The following DNAJA3 variants were observed in gnomAD, a reference collection of about 807,000 sequenced individuals.
The protein encoded by DNAJA3 is dnaJ homolog subfamily A member 3, mitochondrial.
Under a neutral mutation model 54.9 loss-of-function variants are expected in DNAJA3, and 29 were observed. The ratio of observed to expected loss-of-function variants is 0.53; its 90% CI spans 0.39 to 0.72. DNAJA3 has a LOEUF of 0.72. Among genes scored for constraint, DNAJA3 ranks in the 30% least tolerant of loss-of-function variants. The pLI, the probability that DNAJA3 is intolerant of heterozygous loss-of-function variation, is 0.00. For missense variants in DNAJA3, 708 were observed against 639.4 expected, an observed-to-expected ratio of 1.11 and a Z score of -1.16; for synonymous variants, 302 against 251.4, an observed-to-expected ratio of 1.20 and a Z score of -1.90.
At chr16:4,428,998 C>T (rs1242196323) in intron 1 of DNAJA3, among the ~76,000 whole-genome samples, 3 of 149,732 alleles carry the variant, frequency 2.0e-5, no homozygotes, top group Non-Finnish European at 3.0e-5. Flanking sequence ...AGGCCATTCT[C>T]CTGCCTCAGC....
At chr16:4,432,752 C>G (rs1266191241) in intron 1 of DNAJA3, among the ~76,000 whole-genome samples, 1 of 152,114 alleles carries the variant, frequency 6.6e-6, no homozygotes, top group Non-Finnish European at 1.5e-5. Flanking sequence ...AGGAGAGTCG[C>G]TTGAACCCAG....
At chr16:4,440,034 C>G (rs2056820178) in intron 3 of DNAJA3, among the ~76,000 whole-genome samples, 1 of 152,030 alleles carries the variant, frequency 6.6e-6, no homozygotes, top group African/African-American at 2.4e-5. Context: ...AACCTCCGTG[C>G]TCAAGCAATC....
intron 6 of DNAJA3, 67 bp downstream of exon 6, chr16:4,443,231 G>T (rs745807825): frequency 2.1e-5 from 34 of 1,583,450 alleles, no homozygotes; most frequent in Non-Finnish European, 2.7e-5. Context: ...CTACCACACC[G>T]TGTGGAGAGG....
intron 9 of DNAJA3, 42 bp from the exon 10 acceptor site, chr16:4,450,358 T>A: frequency 1.3e-6 from 2 of 1,529,232 alleles, no homozygotes. Context: ...TTCCAAAGCT[T>A]CCCGGCGGAA....
Position 4,455,923 on chromosome 16 carries a change from G to C in DNAJA3, c.*391G>C, listed in dbSNP as rs1479960725. ...GAAATGAAGCCTTAAGCTGCATCAA[G>C]TTACGAAGTGATTAATTTCCTTCTC... is the stretch of plus-strand genomic sequence containing the variant. On this transcript the variant is annotated 3_prime_UTR_variant, in exon 12 of 12. Coordinates refer to ENST00000262375, the MANE Select transcript of DNAJA3 (RefSeq NM_005147.6). 1 of 350,702 alleles carries C rather than the reference G, an allele frequency of 2.9e-6. No individual in the cohort carries two copies. Among genetic ancestry groups the C allele is most frequent in the Non-Finnish European group, 5.2e-6 (1 of 191,406 alleles). 21.7% of individuals were successfully genotyped at this position (350,702 alleles called of 1,614,324 possible). A position where few individuals can be genotyped will look rare whatever the true frequency, so the allele number is the denominator to read the frequency against.
intron 1 of DNAJA3, chr16:4,431,533 T>C (rs1222069247): frequency 6.6e-6 from 1 of 152,154 alleles, no homozygotes; most frequent in Non-Finnish European, 1.5e-5. Context: ...TGGTTGTGTT[T>C]TGTGCTGATT....
intron 3 of DNAJA3, chr16:4,441,124 C>T: frequency 1.8e-6 from 1 of 541,374 alleles, no homozygotes; most frequent in Non-Finnish European, 3.2e-6. Flanking sequence ...AAACATTTTC[C>T]CAGCATGCGC....
rs760392318 is a variant in DNAJA3, at chr16:4,441,498, C to T, written c.553C>T (p.Leu185=). 12 of 1,614,118 alleles carry T rather than the reference C, an allele frequency of 7.4e-6. No homozygotes were observed. The highest frequency in any genetic ancestry group is 1.0e-5 in the Non-Finnish European group (12 of 1,180,050). Residue 185 remains leucine (L), a synonymous_variant, in exon 4 of 12, where the codon CTG becomes TTG. Coordinates refer to ENST00000262375, the MANE Select transcript of DNAJA3 (RefSeq NM_005147.6). ...KGGPTVDPEE[L]FRKIFGEFSS... is the part of the protein sequence containing the mutation. ...AGGCCCCACTGTGGACCCCGAGGAGCTGTTCAGGAAGATCTTTGGCGAGTT... is the reference window on the plus strand; with the variant it reads ...AGGCCCCACTGTGGACCCCGAGGAGTTGTTCAGGAAGATCTTTGGCGAGTT...
intron 8 of DNAJA3, 87 bp downstream of exon 8, chr16:4,447,101 C>G: frequency 6.7e-7 from 1 of 1,494,652 alleles, no homozygotes; most frequent in Non-Finnish European, 9.0e-7. Flanking sequence ...TGGCCTGGAA[C>G]CCATGAGTGA....
chr16:4,432,578 G>T (rs2141371646), intron 1 of DNAJA3, among the ~76,000 whole-genome samples: 1 of 151,900 alleles, frequency 6.6e-6, no homozygotes, highest in African/African-American at 2.4e-5. Context: ...CTGACCTCAG[G>T]TGATCCGCCC....
At chr16:4,442,902 C>A in intron 5 of DNAJA3, 115 bp from the exon 6 acceptor site, 1 of 1,191,826 alleles carries the variant, frequency 8.4e-7, no homozygotes, top group Non-Finnish European at 1.2e-6. Context: ...TTTGAGTGCA[C>A]ATGCACATAA....
intron 7 of DNAJA3, among the ~76,000 whole-genome samples, chr16:4,445,535 T>G (rs957016470): frequency 2.0e-5 from 3 of 152,110 alleles, no homozygotes; most frequent in African/African-American, 7.2e-5. Context: ...TCACCGGTGT[T>G]TATGATGTTT....
intron 1 of DNAJA3, among the ~76,000 whole-genome samples, chr16:4,428,881 GA>G (rs2056656365): frequency 1.4e-5 from 2 of 139,022 alleles, no homozygotes; most frequent in Non-Finnish European, 3.1e-5. Flanking sequence ...TCTACAAAAA[GA>G]TTTTTTTTTT....
intron 1 of DNAJA3, chr16:4,433,930 T>G: frequency 5.2e-6 from 1 of 193,238 alleles, no homozygotes; most frequent in South Asian, 1.0e-4. Context: ...AGCCTGTGTA[T>G]TAGTCTGTTC....
chr16:4,442,555 C>T (rs1468541176), intron 5 of DNAJA3, 135 bp downstream of exon 5: 8 of 1,116,478 alleles, frequency 7.2e-6, no homozygotes, highest in South Asian at 4.0e-5. Context: ...GTCTTTCCCC[C>T]GTGACCCTGA....
chr16:4,450,886 A>C (rs2056970028), intron 10 of DNAJA3, among the ~76,000 whole-genome samples: 1 of 152,216 alleles, frequency 6.6e-6, no homozygotes, highest in Non-Finnish European at 1.5e-5. Context: ...GGATTTGTGC[A>C]CTTCCCACCT....
rs761736057 is a variant in DNAJA3 at position 4,444,246 on chromosome 16, A to T, written c.932-418A>T. Among the ~76,000 whole-genome samples, 3 of 152,072 alleles carry T rather than the reference A, an allele frequency of 2.0e-5. No homozygotes were observed. In the South Asian group the frequency reaches 6.3e-4, roughly 32 times the overall value. Reference sequence around the variant, plus strand: ...TTGTTCCTCGTTAATAAGAAACAGGAGTGGGGAAGAAGCTGTGGGTTACAA... The same window carrying T: ...TTGTTCCTCGTTAATAAGAAACAGGTGTGGGGAAGAAGCTGTGGGTTACAA... On this transcript the variant is annotated intron_variant, in intron 6 of 11. Coordinates refer to ENST00000262375, the MANE Select transcript of DNAJA3 (RefSeq NM_005147.6).
At chr16:4,445,105 A>G (rs2056887633) in intron 7 of DNAJA3, among the ~76,000 whole-genome samples, 1 of 152,220 alleles carries the variant, frequency 6.6e-6, no homozygotes, top group Non-Finnish European at 1.5e-5. Flanking sequence ...AATGAAGACA[A>G]TGCCTTCTAC....
chr16:4,430,935 T>G (rs1276029742), intron 1 of DNAJA3: 1 of 151,798 alleles, frequency 6.6e-6, no homozygotes, highest in Non-Finnish European at 1.5e-5. Flanking sequence ...TCCTGGCTAC[T>G]TGAGAGGCTA....
Sources: allele counts gnomAD v4.1 joint callset (sites outside exome capture counted in the v4.1 genomes callset), GRCh38; gene constraint gnomAD v4.1.1; transcripts MANE v1.5; gene names NCBI Gene and HGNC (gene_info 2026-07-23, HGNC 2026-07-21).